Variants in FAM117B observed in about 807,000 individuals in gnomAD.
The protein encoded by FAM117B is family with sequence similarity 117 member B.
FAM117B carries 22 observed loss-of-function variants against 52.8 expected under a neutral mutation model. That is an observed-to-expected ratio of 0.42 (90% CI 0.30 to 0.59). The LOEUF is 0.59. Among genes scored for constraint, FAM117B ranks in the 20% least tolerant of loss-of-function variants. The pLI is 0.22. For missense variants in FAM117B, 678 were observed against 802.6 expected, an observed-to-expected ratio of 0.84 and a Z score of 1.88; for synonymous variants, 309 against 324.1, an observed-to-expected ratio of 0.95 and a Z score of 0.50.
chr2:202,661,686 C>T (rs1690128551), intron 1 of FAM117B, among the ~76,000 whole-genome samples: 1 of 152,144 alleles, frequency 6.6e-6, no homozygotes, highest in Admixed American at 6.6e-5. Flanking sequence ...AAGGCTGAGG[C>T]AGGCAGATCA....
chr2:202,659,053 C>G (rs566675639), intron 1 of FAM117B, among the ~76,000 whole-genome samples: 1 of 152,140 alleles, frequency 6.6e-6, no homozygotes, highest in East Asian at 1.9e-4. Flanking sequence ...GTCTCCCAGG[C>G]TGGAGTGCAG....
chr2:202,732,145 C>G (rs1045194976), intron 4 of FAM117B, among the ~76,000 whole-genome samples: 9 of 151,706 alleles, frequency 5.9e-5, no homozygotes, highest in African/African-American at 2.2e-4. Context: ...CCTGCCTCAG[C>G]TTTCCAAAGT....
At chr2:202,667,758 AT>A (rs1460478631) in intron 1 of FAM117B, among the ~76,000 whole-genome samples, 1 of 151,920 alleles carries the variant, frequency 6.6e-6, no homozygotes, top group Non-Finnish European at 1.5e-5. Context: ...TGCTGGCTAT[AT>A]TTTTTTCTGC....
intron 4 of FAM117B, among the ~76,000 whole-genome samples, chr2:202,754,605 G>A (rs554625735): frequency 6.6e-6 from 1 of 151,762 alleles, no homozygotes; most frequent in South Asian, 2.1e-4. Context: ...AAAGAAAACA[G>A]GGGCTGTGCA....
chr2:202,673,347 T>C (rs575812066), intron 1 of FAM117B, among the ~76,000 whole-genome samples: 2 of 151,826 alleles, frequency 1.3e-5, no homozygotes, highest in South Asian at 2.1e-4. Flanking sequence ...AAGTAGTTCC[T>C]CTTACTGTTT....
chr2:202,757,537 C>A, intron 6 of FAM117B, 99 bp downstream of exon 6: 3 of 1,252,052 alleles, frequency 2.4e-6, no homozygotes, highest in Non-Finnish European at 3.4e-6. Flanking sequence ...ACACTCGAGG[C>A]TACTCAGTTA....
chr2:202,692,672 T>C (rs1395834031), intron 1 of FAM117B, among the ~76,000 whole-genome samples: 1 of 152,196 alleles, frequency 6.6e-6, no homozygotes, highest in African/African-American at 2.4e-5. Context: ...CTAATGCTGA[T>C]TTATATGAAA....
intron 4 of FAM117B, among the ~76,000 whole-genome samples, chr2:202,735,700 A>G (rs536131259): frequency 2.0e-5 from 3 of 152,258 alleles, no homozygotes; most frequent in Admixed American, 6.5e-5. Flanking sequence ...GTTAGTAACA[A>G]GAGTGGGAGA....
In FAM117B at chr2:202,640,340, A is replaced by ATATATG. The variant is rs1371719386; in HGVS notation, c.601+4555_601+4556insATGTAT. On this transcript the variant is annotated intron_variant, in intron 1 of 7. Transcript: ENST00000392238. ...TATATATATATATATATATATATAT[A>ATATATG]TATGGCAAGTCGTGTTCTTGCTAGT... Among the ~76,000 whole-genome samples, 318 of 105,712 alleles carry ATATATG rather than the reference A, an allele frequency of 3.0e-3. 32 individuals are homozygous for ATATATG. Among genetic ancestry groups the ATATATG allele is most frequent in the African/African-American group, 0.013 (303 of 23,086 alleles). The allele number at this position is 105,712 out of a possible 152,430, so 69.4% of individuals were successfully genotyped here. A position where few individuals can be genotyped will look rare whatever the true frequency, so the allele number is the denominator to read the frequency against.
chr2:202,673,024 G>A (rs1210479622), intron 1 of FAM117B, among the ~76,000 whole-genome samples: 2 of 152,136 alleles, frequency 1.3e-5, no homozygotes, highest in African/African-American at 4.8e-5. Flanking sequence ...CTCCAGACTG[G>A]GCGACAGAGT....
At chr2:202,762,922 G>C (rs1691917263) in intron 7 of FAM117B, among the ~76,000 whole-genome samples, 1 of 151,836 alleles carries the variant, frequency 6.6e-6, no homozygotes, top group African/African-American at 2.4e-5. Flanking sequence ...CTGTTTTCAT[G>C]AAAGCAGCAA....
chr2:202,684,797 A>T (rs183129844), intron 1 of FAM117B, among the ~76,000 whole-genome samples: 2 of 152,280 alleles, frequency 1.3e-5, no homozygotes, highest in Admixed American at 6.5e-5. Flanking sequence ...TTGGTTGATG[A>T]AAGTGTTGTG....
intron 1 of FAM117B, among the ~76,000 whole-genome samples, chr2:202,665,625 G>C (rs894329031): frequency 4.0e-5 from 6 of 151,878 alleles, no homozygotes; most frequent in African/African-American, 1.5e-4. Context: ...TGTTGAGACA[G>C]AGTCTCACTC....
chr2:202,760,981 C>G (rs1460412129), intron 7 of FAM117B, among the ~76,000 whole-genome samples: 1 of 152,046 alleles, frequency 6.6e-6, no homozygotes, highest in East Asian at 1.9e-4. Context: ...GTCAACAGTT[C>G]ACTGCAGCCT....
chr2:202,684,441 T>C (rs1035828003), intron 1 of FAM117B, among the ~76,000 whole-genome samples: 1 of 152,212 alleles, frequency 6.6e-6, no homozygotes, highest in African/African-American at 2.4e-5. Flanking sequence ...GTCCAATATA[T>C]ACATTCCCAA....
At chr2:202,705,490 CCTGT>C (rs1157358846) in intron 2 of FAM117B, among the ~76,000 whole-genome samples, 3 of 151,714 alleles carry the variant, frequency 2.0e-5, no homozygotes, top group African/African-American at 7.3e-5. Flanking sequence ...CTCTTTTTTT[CCTGT>C]CTGTTTGGCA....
Position 202,682,442 on chromosome 2 carries a change from C to T in FAM117B, c.602-13439C>T, listed in dbSNP as rs565321705. On this transcript the variant is annotated intron_variant, in intron 1 of 7. Coordinates refer to ENST00000392238, the MANE Select transcript of FAM117B (RefSeq NM_173511.4). ...CAAAAGCAGTCGCCCAACCACTGCA[C>T]TCTCTCACCTGCGCTCCCCCTCCTG... Among the ~76,000 whole-genome samples the T allele has an allele frequency of 1.4e-3, 216 of 152,312 alleles. 1 individual carries two copies. Among genetic ancestry groups the T allele is most frequent in the African/African-American group, 4.8e-3 (200 of 41,574 alleles).
Position 202,635,810 on chromosome 2 carries a change from G to A in FAM117B, c.601+22G>A, listed in dbSNP as rs768876049. Reference sequence around the variant, plus strand: ...GCAGGTAAGTGCTGGGGGTCGCGCAGCAAGGGGGAGGCGGCTGCGGGAAGG... The same window carrying A: ...GCAGGTAAGTGCTGGGGGTCGCGCAACAAGGGGGAGGCGGCTGCGGGAAGG... On this transcript the variant is annotated intron_variant, in intron 1 of 7. Transcript: ENST00000392238. 154 of 1,415,020 alleles carry A rather than the reference G, an allele frequency of 1.1e-4. 1 individual carries two copies. In the African/African-American group the frequency reaches 1.5e-3, roughly 14 times the overall value. 87.7% of individuals were successfully genotyped at this position (1,415,020 alleles called of 1,614,324 possible).
At position 202,668,620 on chromosome 2, in the gene FAM117B, T is replaced by TAATAAATA. The variant is rs60605421; in HGVS notation, c.602-27234_602-27227dup. On this transcript the variant is annotated intron_variant, in intron 1 of 7. Coordinates refer to ENST00000392238, the MANE Select transcript of FAM117B (RefSeq NM_173511.4). ...GGGCTACAGAGTGAGATCTTGTTCC[T>TAATAAATA]AATAAATAAATAAATAAATAAATAA... 3.8e-3 allele frequency among the ~76,000 whole-genome samples: 565 copies of TAATAAATA among 147,018 alleles called. 2 individuals carry two copies. The highest frequency in any genetic ancestry group is 0.011 in the South Asian group (52 of 4,704).
Sources: allele counts gnomAD v4.1 joint callset (sites outside exome capture counted in the v4.1 genomes callset), GRCh38; gene constraint gnomAD v4.1.1; transcripts MANE v1.5; gene names NCBI Gene and HGNC (gene_info 2026-07-23, HGNC 2026-07-21).